DNA2: variants seen among roughly 807,000 people sequenced by gnomAD.
The protein encoded by DNA2 is DNA replication ATP-dependent helicase/nuclease DNA2.
A neutral mutation model predicts 119.1 loss-of-function variants in DNA2; 101 were observed. That is an observed-to-expected ratio of 0.85 (90% CI 0.72 to 1.00). The LOEUF (loss-of-function observed/expected upper bound fraction) is 1.00, where lower values mean the gene tolerates loss of function less well. Among genes scored for constraint, DNA2 ranks in the 50% least tolerant of loss-of-function variants. DNA2 has a pLI of 0.00. For synonymous variants in DNA2, 366 were observed against 424.4 expected (o/e 0.86, Z 1.69); for missense variants, 1,121 against 1,255.5 (o/e 0.89, Z 1.62).
chr10:68,445,518 G>T (rs962557708), intron 7 of DNA2, among the ~76,000 whole-genome samples: 5 of 151,822 alleles, frequency 3.3e-5, no homozygotes, highest in African/African-American at 9.7e-5. Flanking sequence ...TTAAAACGGA[G>T]AAAACAGTAT....
chr10:68,459,198 C>G lies in DNA2; in HGVS notation c.625G>C (p.Glu209Gln). ...AACGAAGGAAGATAGTCCTCTACTT[C>G]TTGTTTTATTTCATCTTGACTTAGA... is the stretch of plus-strand genomic sequence containing the variant. ...LNLSQDEIKQ[E>Q]VEDYLPSFCK... The change falls in exon 5 of 21, where the codon GAA (glutamate) becomes CAA (glutamine). Residue 209 changes from glutamate to glutamine, a missense_variant. Coordinates refer to ENST00000358410, the MANE Select transcript of DNA2 (RefSeq NM_001080449.3). 1 of 1,567,594 alleles carries G rather than the reference C, an allele frequency of 6.4e-7. No homozygotes were observed.
chr10:68,429,698 C>T (rs1590053276), intron 14 of DNA2, among the ~76,000 whole-genome samples: 2 of 56,842 alleles, frequency 3.5e-5, no homozygotes, highest in African/African-American at 1.4e-4. Flanking sequence ...GGTGACAGAG[C>T]AAGACTCCAT....
At chr10:68,416,671 G>A (rs761679892) in intron 20 of DNA2, 38 bp downstream of exon 20, 6 of 1,568,184 alleles carry the variant, frequency 3.8e-6, no homozygotes, top group African/African-American at 1.4e-5. Flanking sequence ...TCACAACAGT[G>A]CAATCAAATG....
At chr10:68,453,045 C>T (rs1479113793) in intron 5 of DNA2, among the ~76,000 whole-genome samples, 12 of 151,754 alleles carry the variant, frequency 7.9e-5, no homozygotes, top group Non-Finnish European at 1.5e-4. Context: ...GGATTACAAG[C>T]GTGCACCACC....
Position 68,419,469 on chromosome 10 carries a change from G to GCA in DNA2, c.2788-258_2788-257dup, listed in dbSNP as rs113036471. On this transcript the variant is annotated intron_variant, in intron 18 of 20. Coordinates refer to ENST00000358410, the MANE Select transcript of DNA2 (RefSeq NM_001080449.3). ...AAGGATTATATGCTACTAAAACAGT[G>GCA]CACACACACACACACACAGTACAAA... is the stretch of plus-strand genomic sequence containing the variant. 0.075 allele frequency: 36,480 copies of GCA among 484,680 alleles called. 1,104 individuals are homozygous for GCA. The highest frequency in any genetic ancestry group is 0.14 in the South Asian group (4,435 of 31,594). 30.0% of individuals were successfully genotyped at this position (484,680 alleles called of 1,614,324 possible).
upstream of DNA2, among the ~76,000 whole-genome samples, chr10:68,472,358 G>T (rs908086221): frequency 6.6e-6 from 1 of 152,134 alleles, no homozygotes; most frequent in Non-Finnish European, 1.5e-5. Flanking sequence ...CTGGGAAACA[G>T]CCTCTCCCCT....
intron 8 of DNA2, 93 bp downstream of exon 8, chr10:68,444,828 A>G: frequency 1.3e-6 from 1 of 776,430 alleles, no homozygotes; most frequent in Non-Finnish European, 2.0e-6. Context: ...AACTAAAATG[A>G]TGTTATCAAT....
At chr10:68,436,022 G>C (rs750768440) in intron 10 of DNA2, among the ~76,000 whole-genome samples, 1 of 152,074 alleles carries the variant, frequency 6.6e-6, no homozygotes, top group Non-Finnish European at 1.5e-5. Flanking sequence ...TTAGCAGTTT[G>C]GTAGTTCCTC....
chr10:68,416,178 G>GA (rs1554902405), intron 20 of DNA2, among the ~76,000 whole-genome samples: 2 of 151,950 alleles, frequency 1.3e-5, no homozygotes, highest in Non-Finnish European at 2.9e-5. Flanking sequence ...CTTCTTGGGG[G>GA]AAAAAAAGGC....
intron 19 of DNA2, among the ~76,000 whole-genome samples, chr10:68,418,590 C>A (rs2051622943): frequency 6.6e-6 from 1 of 151,838 alleles, no homozygotes; most frequent in Non-Finnish European, 1.5e-5. Flanking sequence ...GGTTCCCGCC[C>A]CTCACCCCCA....
At chr10:68,434,339 A>G (rs1289548376) in intron 10 of DNA2, among the ~76,000 whole-genome samples, 1 of 152,010 alleles carries the variant, frequency 6.6e-6, no homozygotes. Context: ...GTTCCTATCA[A>G]TTTGAACACA....
At chr10:68,429,246 T>TAA (rs530484976) in intron 14 of DNA2, among the ~76,000 whole-genome samples, 9,348 of 117,666 alleles carry the variant, frequency 0.079, 1,045 homozygotes, top group African/African-American at 0.27. Flanking sequence ...AAGGTTCAAT[T>TAA]AAAAAAAAAA....
chr10:68,435,601 A>G (rs769743530), intron 10 of DNA2, among the ~76,000 whole-genome samples: 9 of 152,124 alleles, frequency 5.9e-5, no homozygotes, highest in Non-Finnish European at 1.0e-4. Context: ...GACTATAGGC[A>G]TGTGCGCTAC....
In DNA2 at chr10:68,442,810, G is replaced by A. The variant is rs79887385; in HGVS notation, c.1415+107C>T. On this transcript the variant is annotated intron_variant, in intron 9 of 20. Coordinates refer to ENST00000358410, the MANE Select transcript of DNA2 (RefSeq NM_001080449.3). ...AGTTGTCATGAATAAATGAAATCAC[G>A]TTATCTATAACATGCTTCATAACTT... 9.1e-3 allele frequency: 8,485 copies of A among 931,382 alleles called. 452 individuals carry two copies. The African/African-American group carries it at 0.12, about 13-fold the overall frequency. 57.7% of individuals were successfully genotyped at this position (931,382 alleles called of 1,614,324 possible).
chr10:68,423,286 T>TA (rs34590075), intron 14 of DNA2, among the ~76,000 whole-genome samples: 11,280 of 141,374 alleles, frequency 0.08, 571 homozygotes, highest in African/African-American at 0.15. Flanking sequence ...GCATTATATA[T>TA]AAAAAAAAAA....
chr10:68,455,103 C>T (rs963986672), intron 5 of DNA2, among the ~76,000 whole-genome samples: 2 of 151,894 alleles, frequency 1.3e-5, no homozygotes, highest in South Asian at 4.2e-4. Flanking sequence ...CCATGCCTGG[C>T]CAATTTTTAT....
chr10:68,437,037 C>T lies in DNA2; in HGVS notation c.1620G>A (p.Met540Ile), dbSNP rs1327027001. 6.2e-7 allele frequency: 1 copy of T among 1,611,026 alleles called. No homozygotes were observed. Among genetic ancestry groups the T allele is most frequent in the Non-Finnish European group, 8.5e-7 (1 of 1,178,804 alleles). ...TGTCTAATAAACAAGTTACTGTTGTCATGTTAATCTCCTTCACATATCCTC... is the reference window on the plus strand; with the variant it reads ...TGTCTAATAAACAAGTTACTGTTGTTATGTTAATCTCCTTCACATATCCTC... ...LSRGYVKEIN[M>I]TTVTCLLDRN... is the part of the protein sequence containing the mutation. The change falls in exon 10 of 21, where the codon ATG (methionine) becomes ATA (isoleucine). Residue 540 changes from methionine to isoleucine, a missense_variant. Met to Ile is a conservative substitution (Grantham distance 10). Coordinates refer to ENST00000358410, the MANE Select transcript of DNA2 (RefSeq NM_001080449.3).
At chr10:68,425,503 G>A (rs2051728537) in intron 14 of DNA2, among the ~76,000 whole-genome samples, 2 of 151,210 alleles carry the variant, frequency 1.3e-5, no homozygotes, top group South Asian at 2.1e-4. Flanking sequence ...CCCGGTTCAC[G>A]CCATTCTCCT....
At chr10:68,447,562 G>A (rs114049717) in intron 6 of DNA2, among the ~76,000 whole-genome samples, 3,415 of 150,088 alleles carry the variant, frequency 0.023, 131 homozygotes, top group African/African-American at 0.08. Context: ...GGTGATGTGC[G>A]TCCATAGTCC....
Sources: allele counts gnomAD v4.1 joint callset (sites outside exome capture counted in the v4.1 genomes callset), GRCh38; gene constraint gnomAD v4.1.1; transcripts MANE v1.5; gene names NCBI Gene and HGNC (gene_info 2026-07-23, HGNC 2026-07-21).